MTUS2: variants seen among roughly 807,000 people sequenced by gnomAD.
MTUS2 encodes the protein microtubule-associated tumor suppressor candidate 2.
MTUS2 carries 40 observed loss-of-function variants against 114.1 expected under a neutral mutation model. That is an observed-to-expected ratio of 0.35 (90% CI 0.27 to 0.46). The LOEUF (loss-of-function observed/expected upper bound fraction) is 0.46. Among genes scored for constraint, MTUS2 ranks in the 20% least tolerant of loss-of-function variants. The pLI, the probability that MTUS2 is intolerant of heterozygous loss-of-function variation, is 1.00. For missense variants in MTUS2, 1,679 were observed against 1,705.4 expected (o/e 0.98, Z 0.27); for synonymous variants, 688 against 672.0 (o/e 1.02, Z -0.37).
At chr13:29,409,775 C>T (rs912050604) in intron 8 of MTUS2, among the ~76,000 whole-genome samples, 2 of 150,782 alleles carry the variant, frequency 1.3e-5, no homozygotes, top group African/African-American at 2.4e-5. Context: ...CAGATAAGTT[C>T]ATGGACATTT....
intron 2 of MTUS2, among the ~76,000 whole-genome samples, chr13:28,872,487 G>GA (rs1384406690): frequency 4.6e-5 from 7 of 152,110 alleles, no homozygotes; most frequent in Admixed American, 2.6e-4. Flanking sequence ...ACTTATAAAG[G>GA]AAAAAATATT....
intron 5 of MTUS2, among the ~76,000 whole-genome samples, chr13:29,248,800 C>A (rs1360747498): frequency 1.3e-5 from 2 of 152,202 alleles, no homozygotes; most frequent in African/African-American, 4.8e-5. Flanking sequence ...CTGCAAAGGA[C>A]ATGATCTCAT....
rs76385314 is a variant in MTUS2 at position 29,015,289 on chromosome 13, A to G, written c.-242-9168A>G. ...TCCTGAGCAAGAAAAAAGTGTTCCA[A>G]TTTGAATGATGGTCATTCTAATTAG... On this transcript the variant is annotated intron_variant, in intron 2 of 15. Transcript: ENST00000612955. Among the ~76,000 whole-genome samples the G allele has an allele frequency of 6.1e-4, 93 of 152,314 alleles. No individual in the cohort carries two copies. The East Asian group carries it at 0.014, about 23-fold the overall frequency.
At chr13:28,971,979 A>G (rs1358411853) in intron 2 of MTUS2, among the ~76,000 whole-genome samples, 1 of 152,238 alleles carries the variant, frequency 6.6e-6, no homozygotes, top group East Asian at 1.9e-4. Flanking sequence ...TTAAAGTGCT[A>G]ATAGCCAAGG....
At chr13:28,889,623 A>C (rs1417370186) in intron 2 of MTUS2, among the ~76,000 whole-genome samples, 1 of 152,194 alleles carries the variant, frequency 6.6e-6, no homozygotes, top group Non-Finnish European at 1.5e-5. Flanking sequence ...ATGCTGAAAT[A>C]TGCATTTCAA....
intron 5 of MTUS2, among the ~76,000 whole-genome samples, chr13:29,210,184 T>G (rs1895365327): frequency 6.6e-6 from 1 of 152,084 alleles, no homozygotes; most frequent in Admixed American, 6.5e-5. Flanking sequence ...CTTCGAGCTC[T>G]GAATTTCTTT....
intron 8 of MTUS2, among the ~76,000 whole-genome samples, chr13:29,425,329 C>G (rs574570644): frequency 3.3e-5 from 5 of 152,262 alleles, no homozygotes; most frequent in Admixed American, 6.5e-5. Context: ...TTGCTTAAAC[C>G]TGGGAGGCGG....
intron 8 of MTUS2, among the ~76,000 whole-genome samples, chr13:29,407,386 CAA>C (rs1258096167): frequency 6.6e-6 from 1 of 152,086 alleles, no homozygotes; most frequent in Non-Finnish European, 1.5e-5. Flanking sequence ...ATTACTGATT[CAA>C]AGTGTGCATA....
intron 5 of MTUS2, among the ~76,000 whole-genome samples, chr13:29,259,693 C>T (rs896492881): frequency 4.6e-5 from 7 of 152,210 alleles, no homozygotes; most frequent in African/African-American, 1.4e-4. Context: ...GGACAGCAGA[C>T]ACCCATCAAA....
chr13:29,056,373 T>A (rs1299131993), intron 4 of MTUS2, among the ~76,000 whole-genome samples: 1 of 152,106 alleles, frequency 6.6e-6, no homozygotes, highest in Non-Finnish European at 1.5e-5. Context: ...GTTGACTTTG[T>A]TTTTCCTCCT....
At chr13:29,199,462 C>T (rs528658786) in intron 5 of MTUS2, among the ~76,000 whole-genome samples, 24 of 152,258 alleles carry the variant, frequency 1.6e-4, no homozygotes, top group African/African-American at 5.1e-4. Context: ...TGGTTTTTGT[C>T]ATCGGCTCTG....
At chr13:29,066,461 G>A (rs1888670336) in intron 4 of MTUS2, among the ~76,000 whole-genome samples, 1 of 152,272 alleles carries the variant, frequency 6.6e-6, no homozygotes, top group South Asian at 2.1e-4. Flanking sequence ...TTTTGGAGCA[G>A]GGGTGGGTTT....
At chr13:28,829,371 C>CAA (rs932237465) in intron 1 of MTUS2, among the ~76,000 whole-genome samples, 1 of 144,110 alleles carries the variant, frequency 6.9e-6, no homozygotes, top group African/African-American at 2.5e-5. Flanking sequence ...CCTAAAAGTA[C>CAA]AAAAAAAAAA....
At chr13:29,121,749 C>G (rs1002521539) in intron 5 of MTUS2, among the ~76,000 whole-genome samples, 1 of 152,022 alleles carries the variant, frequency 6.6e-6, no homozygotes, top group East Asian at 1.9e-4. Flanking sequence ...CTCCGCCTCC[C>G]GGCTTCAAGC....
chr13:29,491,993 T>C lies in MTUS2; in HGVS notation c.3506-653T>C, dbSNP rs561523813. Among the ~76,000 whole-genome samples the C allele has an allele frequency of 7.3e-3, 928 of 126,354 alleles. 17 individuals are homozygous for C. Among genetic ancestry groups the C allele is most frequent in the African/African-American group, 0.028 (892 of 32,010 alleles). 82.9% of individuals were successfully genotyped at this position (126,354 alleles called of 152,430 possible). On this transcript the variant is annotated intron_variant, in intron 11 of 15. Transcript: ENST00000612955. ...ATGTGTGTGGTAGGTGTGTGTGGTG[T>C]ATGGTGTGTATGTGAATGTGTGTGG...
intron 6 of MTUS2, among the ~76,000 whole-genome samples, chr13:29,284,396 ATT>A (rs11359197): frequency 0.19 from 27,439 of 144,456 alleles, 2,664 homozygotes; most frequent in East Asian, 0.42. Context: ...AGAATAAGCT[ATT>A]TTTTAAAAAA....
chr13:29,066,418 A>G (rs9508248), intron 4 of MTUS2, among the ~76,000 whole-genome samples: 27,466 of 152,260 alleles, frequency 0.18, 2,913 homozygotes, highest in Non-Finnish European at 0.24. Context: ...TATTTTTCCT[A>G]TAATTATCAA....
At chr13:29,155,064 T>A (rs1226225000) in intron 5 of MTUS2, among the ~76,000 whole-genome samples, 1 of 152,182 alleles carries the variant, frequency 6.6e-6, no homozygotes, top group Non-Finnish European at 1.5e-5. Flanking sequence ...CCAGACCTAG[T>A]TTTTAACGTT....
intron 2 of MTUS2, among the ~76,000 whole-genome samples, chr13:28,990,698 C>T (rs9508215): frequency 0.44 from 66,671 of 151,782 alleles, 15,242 homozygotes; most frequent in East Asian, 0.68. Context: ...AGGACATGGG[C>T]GGGGACAAAT....
Sources: allele counts gnomAD v4.1 joint callset (sites outside exome capture counted in the v4.1 genomes callset), GRCh38; gene constraint gnomAD v4.1.1; transcripts MANE v1.5; gene names NCBI Gene and HGNC (gene_info 2026-07-23, HGNC 2026-07-21).